Variants in GALNT2 observed in about 807,000 individuals in gnomAD.
GALNT2 encodes UDP-GalNAc:polypeptide N-acetylgalactosaminyltransferase 2.
GALNT2 carries 31 observed loss-of-function variants against 81.4 expected under a neutral mutation model. That is an observed-to-expected ratio of 0.38 (90% CI 0.29 to 0.51). The LOEUF (loss-of-function observed/expected upper bound fraction) is 0.51. GALNT2 is among the 20% of genes least tolerant of loss of function. The pLI, the probability that GALNT2 is intolerant of heterozygous loss-of-function variation, is 0.87. For missense variants in GALNT2, 629 were observed against 765.7 expected (o/e 0.82, Z 2.11); for synonymous variants, 303 against 287.4 (o/e 1.05, Z -0.55).
chr1:230,217,947 T>C (rs1664439491), intron 3 of GALNT2, among the ~76,000 whole-genome samples: 1 of 152,120 alleles, frequency 6.6e-6, no homozygotes, highest in Admixed American at 6.5e-5. Flanking sequence ...GTAGCAGCCA[T>C]TGAGTGAGAT....
At chr1:230,223,610 A>G (rs2102724757) in intron 3 of GALNT2, among the ~76,000 whole-genome samples, 1 of 152,194 alleles carries the variant, frequency 6.6e-6, no homozygotes, top group South Asian at 2.1e-4. Flanking sequence ...AGCTGGGACT[A>G]CAGGCACCCG....
chr1:230,179,279 G>A (rs925215227), intron 2 of GALNT2, among the ~76,000 whole-genome samples: 21 of 152,050 alleles, frequency 1.4e-4, no homozygotes, highest in African/African-American at 4.3e-4. Context: ...ACCAGTTTTC[G>A]TGTAGACATA....
At chr1:230,107,327 T>G (rs76816696) in intron 1 of GALNT2, among the ~76,000 whole-genome samples, 6,949 of 152,146 alleles carry the variant, frequency 0.046, 216 homozygotes, top group South Asian at 0.084. Flanking sequence ...TCCAGCACTT[T>G]AGGAGGCTGA....
chr1:230,167,793 C>T (rs533780658), intron 1 of GALNT2, among the ~76,000 whole-genome samples: 1 of 152,182 alleles, frequency 6.6e-6, no homozygotes, highest in Non-Finnish European at 1.5e-5. Flanking sequence ...GGCCTCCCTG[C>T]GGCTGCTCCA....
Position 230,119,994 on chromosome 1 carries a change from C to G in GALNT2, c.126+52588C>G, listed in dbSNP as rs182625926. Among the ~76,000 whole-genome samples, 3 of 152,216 alleles carry G rather than the reference C, an allele frequency of 2.0e-5. 1 individual carries two copies. The highest frequency in any genetic ancestry group is 2.0e-4 in the Admixed American group (3 of 15,296). On this transcript the variant is annotated intron_variant, in intron 1 of 15. Coordinates refer to ENST00000366672, the MANE Select transcript of GALNT2 (RefSeq NM_004481.5). ...TGCCCCAGACCTGGAGTCAGCCTTT[C>G]CCAGAGAGCCCTGGTTCTCTGTGCT... is the stretch of plus-strand genomic sequence containing the variant.
intron 1 of GALNT2, among the ~76,000 whole-genome samples, chr1:230,115,418 G>A (rs1660816649): frequency 6.6e-6 from 1 of 152,186 alleles, no homozygotes; most frequent in Non-Finnish European, 1.5e-5. Flanking sequence ...CACAGTTTTT[G>A]GTTTCCTAGT....
At chr1:230,094,542 G>A (rs1467914682) in intron 1 of GALNT2, among the ~76,000 whole-genome samples, 1 of 152,136 alleles carries the variant, frequency 6.6e-6, no homozygotes, top group Non-Finnish European at 1.5e-5. Context: ...GGAGGCTGAG[G>A]CAGGAGAATC....
At chr1:230,186,395 C>T (rs1663338804) in intron 2 of GALNT2, among the ~76,000 whole-genome samples, 1 of 152,168 alleles carries the variant, frequency 6.6e-6, no homozygotes, top group East Asian at 1.9e-4. Context: ...CTTTCCAGCT[C>T]CTGGATGAGT....
At chr1:230,076,583 T>C (rs189923339) in intron 1 of GALNT2, among the ~76,000 whole-genome samples, 1 of 152,242 alleles carries the variant, frequency 6.6e-6, no homozygotes, top group East Asian at 1.9e-4. Flanking sequence ...AGTATTGTAC[T>C]TGGGGACAGT....
chr1:230,268,182 G>C (rs1219039043), intron 14 of GALNT2: 1 of 152,254 alleles, frequency 6.6e-6, no homozygotes, highest in Non-Finnish European at 1.5e-5. Context: ...TTCTCAGCAA[G>C]CTGGGTTTCA....
chr1:230,083,712 C>T (rs1243743738), intron 1 of GALNT2, among the ~76,000 whole-genome samples: 5 of 152,192 alleles, frequency 3.3e-5, no homozygotes, highest in Non-Finnish European at 7.3e-5. Context: ...AGGAGATGGT[C>T]AGCACTGAGC....
chr1:230,265,917 C>T (rs1307732433), intron 14 of GALNT2, among the ~76,000 whole-genome samples: 1 of 152,236 alleles, frequency 6.6e-6, no homozygotes, highest in Non-Finnish European at 1.5e-5. Context: ...AACCGCCAGG[C>T]GCCGTGGCGC....
At chr1:230,245,268 AGC>A (rs1665330931) in intron 7 of GALNT2, among the ~76,000 whole-genome samples, 1 of 152,166 alleles carries the variant, frequency 6.6e-6, no homozygotes, top group South Asian at 2.1e-4. Flanking sequence ...GTTCAAGAAT[AGC>A]CTGACCAACA....
intron 1 of GALNT2, among the ~76,000 whole-genome samples, chr1:230,082,881 A>G (rs1571940013): frequency 6.6e-6 from 1 of 152,196 alleles, no homozygotes; most frequent in African/African-American, 2.4e-5. Context: ...TGGAGCCAGG[A>G]TGATGGAACA....
At chr1:230,240,705 A>T (rs1257430480) in intron 6 of GALNT2, among the ~76,000 whole-genome samples, 2 of 150,104 alleles carry the variant, frequency 1.3e-5, no homozygotes, top group Non-Finnish European at 3.0e-5. Flanking sequence ...GCCTAGATTT[A>T]GTTTTCTTTA....
chr1:230,185,306 G>GCA (rs1663299272), intron 2 of GALNT2, among the ~76,000 whole-genome samples: 10 of 77,208 alleles, frequency 1.3e-4, no homozygotes, highest in African/African-American at 6.5e-4. Flanking sequence ...GTGTGTGCGC[G>GCA]CGTGTGTGTG....
chr1:230,112,450 C>T (rs1040372598), intron 1 of GALNT2, among the ~76,000 whole-genome samples: 5 of 151,866 alleles, frequency 3.3e-5, no homozygotes, highest in Non-Finnish European at 5.9e-5. Context: ...CATGGAGTCG[C>T]AGAGATCAGA....
chr1:230,063,372 T>C (rs1659094491), upstream of GALNT2, among the ~76,000 whole-genome samples: 1 of 152,052 alleles, frequency 6.6e-6, no homozygotes, highest in Admixed American at 6.5e-5. Flanking sequence ...TATCTCACTG[T>C]GGGTTTTTGT....
Position 230,120,882 on chromosome 1 carries a change from C to A in GALNT2, c.126+53476C>A, listed in dbSNP as rs533371176. Among the ~76,000 whole-genome samples, 6 of 152,286 alleles carry A rather than the reference C, an allele frequency of 3.9e-5. No homozygotes were observed. In the East Asian group the frequency reaches 9.6e-4, roughly 24 times the overall value. ...CCACCCCTTGGATAAAATAAAATTC[C>A]CAGTGACTTCCTTAATATTTTGATA... On this transcript the variant is annotated intron_variant, in intron 1 of 15. Transcript: ENST00000366672.
Sources: allele counts gnomAD v4.1 joint callset (sites outside exome capture counted in the v4.1 genomes callset), GRCh38; gene constraint gnomAD v4.1.1; transcripts MANE v1.5; gene names NCBI Gene and HGNC (gene_info 2026-07-23, HGNC 2026-07-21).